Variants in DLG2 observed in about 807,000 individuals in gnomAD.
DLG2 encodes discs large MAGUK scaffold protein 2, also known as disks large homolog 2.
Under a neutral mutation model 132.5 loss-of-function variants are expected in DLG2, and 45 were observed. That is an observed-to-expected ratio of 0.34 (90% CI 0.27 to 0.44). The LOEUF is 0.44. Among genes scored for constraint, DLG2 ranks in the 20% least tolerant of loss-of-function variants. The pLI is 1.00. For missense variants in DLG2, 1,045 were observed against 1,196.9 expected, an observed-to-expected ratio of 0.87 and a Z score of 1.87; for synonymous variants, 424 against 419.6, an observed-to-expected ratio of 1.01 and a Z score of -0.13.
chr11:84,206,384 A>G (rs1185464607), intron 8 of DLG2, among the ~76,000 whole-genome samples: 1 of 152,118 alleles, frequency 6.6e-6, no homozygotes, highest in Non-Finnish European at 1.5e-5. Flanking sequence ...AAAACATCCC[A>G]AGTCATTTTT....
At chr11:83,504,242 C>T (rs1452490850) in intron 21 of DLG2, among the ~76,000 whole-genome samples, 1 of 152,132 alleles carries the variant, frequency 6.6e-6, no homozygotes, top group African/African-American at 2.4e-5. Context: ...TTCCCTTTGC[C>T]TTCAGCAAGC....
At chr11:84,721,906 A>G (rs1247406281) in intron 6 of DLG2, among the ~76,000 whole-genome samples, 4 of 152,248 alleles carry the variant, frequency 2.6e-5, no homozygotes, top group Non-Finnish European at 5.9e-5. Context: ...GGTAAGCCCC[A>G]GTACATGGTA....
At chr11:85,137,571 T>C (rs931105428) in intron 5 of DLG2, among the ~76,000 whole-genome samples, 10 of 152,116 alleles carry the variant, frequency 6.6e-5, no homozygotes, top group African/African-American at 2.4e-4. Flanking sequence ...TCCATGCAGA[T>C]GAACTATAAA....
At chr11:85,184,564 T>C (rs2079961030) in intron 4 of DLG2, among the ~76,000 whole-genome samples, 1 of 151,822 alleles carries the variant, frequency 6.6e-6, no homozygotes, top group Admixed American at 6.6e-5. Context: ...ATATAACTGT[T>C]ATTAGAACTG....
intron 12 of DLG2, among the ~76,000 whole-genome samples, chr11:83,973,085 G>C (rs898516334): frequency 5.9e-5 from 9 of 152,070 alleles, no homozygotes; most frequent in African/African-American, 9.7e-5. Context: ...CTGGGTACAA[G>C]AGAAAAACAT....
intron 7 of DLG2, among the ~76,000 whole-genome samples, chr11:84,319,449 T>C (rs1411455991): frequency 6.6e-6 from 1 of 152,222 alleles, no homozygotes; most frequent in Non-Finnish European, 1.5e-5. Context: ...TTTAGGCAGA[T>C]ATCATTGCAC....
intron 5 of DLG2, among the ~76,000 whole-genome samples, chr11:85,149,769 A>C (rs1042945839): frequency 2.0e-5 from 3 of 152,116 alleles, no homozygotes. Flanking sequence ...TAAATATATG[A>C]GACTTAACAA....
Position 83,813,440 on chromosome 11 carries a change from C to T in DLG2, c.1722+20174G>A, listed in dbSNP as rs1156264356. On this transcript the variant is annotated intron_variant, in intron 17 of 27. Coordinates refer to ENST00000376104, the MANE Select transcript of DLG2 (RefSeq NM_001142699.3). ...GCAGGAATGCTTTCTCCCAAGCCCT[C>T]TAAATGCCTGCAGATGGTCAGCTGG... Among the ~76,000 whole-genome samples, 5 of 152,264 alleles carry T rather than the reference C, an allele frequency of 3.3e-5. No individual in the cohort carries two copies. The South Asian group carries it at 8.3e-4, about 25-fold the overall frequency.
At chr11:83,880,202 G>A (rs145505022) in intron 15 of DLG2, among the ~76,000 whole-genome samples, 1 of 152,062 alleles carries the variant, frequency 6.6e-6, no homozygotes, top group South Asian at 2.1e-4. Context: ...GTTATTAAGT[G>A]GGGGGAATAA....
At chr11:84,286,819 T>C (rs150298181) in intron 7 of DLG2, among the ~76,000 whole-genome samples, 11 of 152,210 alleles carry the variant, frequency 7.2e-5, no homozygotes, top group Non-Finnish European at 1.3e-4. Context: ...GGCTTTGTAA[T>C]GTTAGAATCC....
intron 19 of DLG2, among the ~76,000 whole-genome samples, chr11:83,545,101 AC>A (rs1169749223): frequency 6.6e-6 from 1 of 152,128 alleles, no homozygotes; most frequent in African/African-American, 2.4e-5. Flanking sequence ...AGGTAGAGAA[AC>A]CATCAGAAAG....
intron 18 of DLG2, among the ~76,000 whole-genome samples, chr11:83,666,030 C>T (rs1385806385): frequency 1.3e-5 from 2 of 152,170 alleles, no homozygotes; most frequent in African/African-American, 4.8e-5. Flanking sequence ...GTCAAGTTCT[C>T]TGCTTCCTGT....
chr11:83,683,896 AG>A (rs2079252500), intron 18 of DLG2, among the ~76,000 whole-genome samples: 1 of 152,226 alleles, frequency 6.6e-6, no homozygotes, highest in East Asian at 1.9e-4. Context: ...TGAAGGGCCC[AG>A]GGCTCTGTGC....
At chr11:83,486,379 C>CAAAT (rs1427153827) in intron 21 of DLG2, 4 of 565,464 alleles carry the variant, frequency 7.1e-6, no homozygotes, top group African/African-American at 3.9e-5. Context: ...CATTTTCATG[C>CAAAT]AAATACAAAA....
chr11:84,802,098 TA>T (rs567012280), intron 6 of DLG2, among the ~76,000 whole-genome samples: 158 of 132,574 alleles, frequency 1.2e-3, no homozygotes, highest in Non-Finnish European at 1.2e-3. Context: ...TACTTTTAGT[TA>T]AAAAAAAAAA....
At chr11:85,038,557 T>C (rs1423489599) in intron 6 of DLG2, among the ~76,000 whole-genome samples, 2 of 152,074 alleles carry the variant, frequency 1.3e-5, no homozygotes, top group Admixed American at 6.6e-5. Flanking sequence ...CTTCCACTTA[T>C]GGATCATTCT....
At chr11:84,061,158 T>C (rs1429049433) in intron 10 of DLG2, among the ~76,000 whole-genome samples, 2 of 152,208 alleles carry the variant, frequency 1.3e-5, no homozygotes, top group Non-Finnish European at 2.9e-5. Flanking sequence ...GGGCCCTCCA[T>C]TTCCTAAGTT....
intron 7 of DLG2, among the ~76,000 whole-genome samples, chr11:84,512,127 T>A (rs1158681358): frequency 6.6e-6 from 1 of 152,158 alleles, no homozygotes; most frequent in Non-Finnish European, 1.5e-5. Flanking sequence ...TTTTTACATA[T>A]AAGCAACAGA....
At chr11:84,643,499 T>C (rs970959746) in intron 6 of DLG2, among the ~76,000 whole-genome samples, 1 of 152,144 alleles carries the variant, frequency 6.6e-6, no homozygotes, top group African/African-American at 2.4e-5. Flanking sequence ...TGCAGAAAAA[T>C]CATAATGCAG....
Sources: gnomAD v4.1 joint callset for allele counts (sites outside exome capture counted in the v4.1 genomes callset) on GRCh38, gnomAD v4.1.1 for gene constraint, MANE v1.5 for transcripts, NCBI Gene and HGNC (gene_info 2026-07-23, HGNC 2026-07-21) for gene names.